MECOM: variants seen among roughly 807,000 people sequenced by gnomAD.
MECOM encodes histone-lysine N-methyltransferase MECOM.
A neutral mutation model predicts 116.3 loss-of-function variants in MECOM; 13 were observed. That is an observed-to-expected ratio of 0.11 (90% CI 0.07 to 0.18). The LOEUF is 0.18. Ranked by LOEUF, MECOM falls within the 10% of genes least tolerant of loss-of-function variation. The pLI is 1.00. For missense variants in MECOM, 1,299 were observed against 1,509.0 expected, an observed-to-expected ratio of 0.86 and a Z score of 2.31; for synonymous variants, 528 against 535.2, an observed-to-expected ratio of 0.99 and a Z score of 0.19.
chr3:169,455,950 C>T (rs549004023), intron 1 of MECOM, among the ~76,000 whole-genome samples: 4 of 152,310 alleles, frequency 2.6e-5, no homozygotes, highest in East Asian at 1.9e-4. Context: ...CCAGAGGCTG[C>T]GAACTAGGCA....
chr3:169,411,945 C>T (rs1737623398), intron 1 of MECOM, among the ~76,000 whole-genome samples: 1 of 151,800 alleles, frequency 6.6e-6, no homozygotes, highest in African/African-American at 2.4e-5. Context: ...GAGCTAAGAT[C>T]AAGCCACTGC....
chr3:169,428,753 A>AC, intron 1 of MECOM, among the ~76,000 whole-genome samples: 1 of 152,188 alleles, frequency 6.6e-6, no homozygotes. Flanking sequence ...GCTATTATCT[A>AC]CTTTTTCAGA....
intron 1 of MECOM, among the ~76,000 whole-genome samples, chr3:169,499,726 T>C (rs760889005): frequency 1.6e-4 from 25 of 151,974 alleles, no homozygotes; most frequent in Non-Finnish European, 2.9e-4. Flanking sequence ...AACATAATAA[T>C]GTCAAAAATA....
chr3:169,292,358 A>G (rs537010019), intron 2 of MECOM, among the ~76,000 whole-genome samples: 1 of 152,310 alleles, frequency 6.6e-6, no homozygotes, highest in East Asian at 1.9e-4. Context: ...AAAGATAATC[A>G]TAAACATAAA....
Position 169,115,486 on chromosome 3 carries a change from C to T in MECOM, c.2386G>A (p.Val796Met), listed in dbSNP as rs1422911568. 1.9e-6 allele frequency: 3 copies of T among 1,614,002 alleles called. No homozygotes were observed. The highest frequency in any genetic ancestry group is 1.1e-5 in the South Asian group (1 of 91,088). ...TKLTEPRKNH[V>M]FGGKKGSNVE... ...TTGCTTCCTTTTTTTCCCCCAAACACGTGGTTTTTTCGAGGCTCAGTCAGC... is the reference window on the plus strand; with the variant it reads ...TTGCTTCCTTTTTTTCCCCCAAACATGTGGTTTTTTCGAGGCTCAGTCAGC... Residue 796 changes from valine to methionine, a missense_variant, in exon 8 of 17, where the codon GTG (valine) becomes ATG (methionine). Physicochemically the swap from Val to Met is conservative, Grantham distance 21. Around this residue, in one of 6 missense-constraint regions of MECOM, gnomAD observed 340 missense variants for 312.6 expected, o/e 1.09. Transcript: ENST00000651503.
chr3:169,320,835 A>G (rs1407480529), intron 2 of MECOM, among the ~76,000 whole-genome samples: 2 of 152,212 alleles, frequency 1.3e-5, no homozygotes, highest in Non-Finnish European at 1.5e-5. Context: ...ACAGGAAGAC[A>G]TAAGCTAAGA....
At chr3:169,527,843 C>T (rs763241131) in intron 1 of MECOM, among the ~76,000 whole-genome samples, 1 of 152,122 alleles carries the variant, frequency 6.6e-6, no homozygotes, top group Non-Finnish European at 1.5e-5. Context: ...AACACAGGAG[C>T]CTGGGTCACA....
At chr3:169,458,637 A>G (rs1578156554) in intron 1 of MECOM, among the ~76,000 whole-genome samples, 1 of 152,188 alleles carries the variant, frequency 6.6e-6, no homozygotes, top group South Asian at 2.1e-4. Context: ...CTCATGATTC[A>G]TTTTTATATC....
intron 12 of MECOM, among the ~76,000 whole-genome samples, chr3:169,097,521 T>C (rs1411723966): frequency 6.6e-6 from 1 of 151,970 alleles, no homozygotes; most frequent in African/African-American, 2.4e-5. Context: ...TGATGTAAAA[T>C]AAAAACGCTG....
At chr3:169,633,035 T>C (rs1772281412) in intron 1 of MECOM, among the ~76,000 whole-genome samples, 1 of 152,200 alleles carries the variant, frequency 6.6e-6, no homozygotes, top group Non-Finnish European at 1.5e-5. Flanking sequence ...TCCTAATCAA[T>C]CTTTCCCTGT....
rs567836280 is a variant in MECOM at position 169,272,766 on chromosome 3, C to A, written c.375+108421G>T. On this transcript the variant is annotated intron_variant, in intron 2 of 16. Coordinates refer to ENST00000651503, the MANE Select transcript of MECOM (RefSeq NM_004991.4). ...CTGGCTGCACATTCAGTTGCACATA[C>A]ACTTTTGAAAAACTTCTCTTTGTCT... Among the ~76,000 whole-genome samples the A allele has an allele frequency of 1.1e-3, 165 of 152,232 alleles. 1 individual carries two copies. Among genetic ancestry groups the A allele is most frequent in the African/African-American group, 3.8e-3 (156 of 41,560 alleles).
At chr3:169,245,398 A>T (rs1755455538) in intron 2 of MECOM, among the ~76,000 whole-genome samples, 1 of 152,218 alleles carries the variant, frequency 6.6e-6, no homozygotes, top group Non-Finnish European at 1.5e-5. Flanking sequence ...TTATCTTCAT[A>T]TTATATTTGA....
intron 1 of MECOM, among the ~76,000 whole-genome samples, chr3:169,484,447 ATATT>A (rs148141737): frequency 0.022 from 3,342 of 152,254 alleles, 122 homozygotes; most frequent in African/African-American, 0.077. Flanking sequence ...TCAGCAAAAG[ATATT>A]TATTTCTTTC....
chr3:169,237,193 G>T (rs1277616743), intron 2 of MECOM, among the ~76,000 whole-genome samples: 1 of 152,046 alleles, frequency 6.6e-6, no homozygotes, highest in African/African-American at 2.4e-5. Flanking sequence ...ACTAAGATAC[G>T]GCAAATTATC....
At chr3:169,580,965 A>G (rs955191162) in intron 1 of MECOM, among the ~76,000 whole-genome samples, 2 of 152,230 alleles carry the variant, frequency 1.3e-5, no homozygotes, top group Non-Finnish European at 2.9e-5. Context: ...TTGTGGTGAC[A>G]GGATGTAATC....
chr3:169,249,408 C>G (rs1205787243), intron 2 of MECOM, among the ~76,000 whole-genome samples: 4 of 152,164 alleles, frequency 2.6e-5, no homozygotes, highest in African/African-American at 9.7e-5. Flanking sequence ...ACTAAACCTA[C>G]AAATAGTGTT....
intron 1 of MECOM, among the ~76,000 whole-genome samples, chr3:169,651,786 A>G (rs770861918): frequency 1.2e-4 from 18 of 152,174 alleles, no homozygotes; most frequent in Admixed American, 2.6e-4. Context: ...TACGAAGAAG[A>G]AAAAAAAGAA....
intron 2 of MECOM, among the ~76,000 whole-genome samples, chr3:169,228,630 A>G (rs1488582059): frequency 6.6e-6 from 1 of 152,222 alleles, no homozygotes; most frequent in Non-Finnish European, 1.5e-5. Flanking sequence ...TGACATTACA[A>G]TTAACCTCAA....
At chr3:169,479,936 T>C (rs926852359) in intron 1 of MECOM, among the ~76,000 whole-genome samples, 1 of 152,142 alleles carries the variant, frequency 6.6e-6, no homozygotes, top group Admixed American at 6.5e-5. Context: ...CTGAAACAAA[T>C]ACAGAGTAAG....
Sources: gnomAD v4.1 joint callset for allele counts (sites outside exome capture counted in the v4.1 genomes callset) on GRCh38, gnomAD v4.1.1 for gene constraint, gnomAD v4.1.1 regional missense constraint, MANE v1.5 for transcripts, NCBI Gene and HGNC (gene_info 2026-07-23, HGNC 2026-07-21) for gene names.